Variants in SOX5 observed in about 807,000 individuals in gnomAD.
SOX5 encodes the protein SRY-box transcription factor 5, also known as transcription factor SOX-5.
In SOX5, 9 loss-of-function variants were observed where a neutral mutation model predicts 92.0. The ratio of observed to expected loss-of-function variants is 0.10; its 90% CI spans 0.06 to 0.17. SOX5 has a LOEUF of 0.17. SOX5 is among the 10% of genes least tolerant of loss of function. The pLI is 1.00. For synonymous variants in SOX5, 344 were observed against 336.3 expected, an observed-to-expected ratio of 1.02 and a Z score of -0.25; for missense variants, 642 against 944.5, an observed-to-expected ratio of 0.68 and a Z score of 4.20.
intron 4 of SOX5, among the ~76,000 whole-genome samples, chr12:24,039,363 T>C (rs754178762): frequency 6.6e-6 from 1 of 152,112 alleles, no homozygotes; most frequent in Non-Finnish European, 1.5e-5. Flanking sequence ...TTAAAGTATA[T>C]TGTGTGGTGG....
chr12:23,990,311 C>T (rs945210193), intron 4 of SOX5, among the ~76,000 whole-genome samples: 2 of 152,122 alleles, frequency 1.3e-5, no homozygotes, highest in Non-Finnish European at 2.9e-5. Context: ...CCTTCAACAG[C>T]TTCCCATTAT....
chr12:24,048,444 T>C (rs7303117), intron 4 of SOX5, among the ~76,000 whole-genome samples: 20,070 of 152,192 alleles, frequency 0.13, 1,826 homozygotes, highest in Non-Finnish European at 0.2. Flanking sequence ...CTTCAAAATA[T>C]TAAACATAGA....
chr12:23,796,143 G>A (rs1035321133), intron 3 of SOX5, among the ~76,000 whole-genome samples: 1 of 152,042 alleles, frequency 6.6e-6, no homozygotes, highest in African/African-American at 2.4e-5. Flanking sequence ...TGAATCCATG[G>A]TGTTTAGGAC....
intron 1 of SOX5, among the ~76,000 whole-genome samples, chr12:24,388,008 G>A (rs1420593930): frequency 6.6e-6 from 1 of 152,114 alleles, no homozygotes; most frequent in Non-Finnish European, 1.5e-5. Flanking sequence ...CTGGCCAAAC[G>A]ATAATACAAT....
chr12:24,202,887 A>G (rs1218739105), intron 4 of SOX5, among the ~76,000 whole-genome samples: 3 of 152,162 alleles, frequency 2.0e-5, no homozygotes, highest in Non-Finnish European at 1.5e-5. Context: ...TTTCCACTGT[A>G]AAGTTACTAC....
intron 1 of SOX5, among the ~76,000 whole-genome samples, chr12:23,945,531 G>A (rs1944443516): frequency 6.6e-6 from 1 of 152,118 alleles, no homozygotes; most frequent in Non-Finnish European, 1.5e-5. Flanking sequence ...TGTGGTTTAT[G>A]AACTGCCTCA....
At chr12:23,594,129 G>A (rs1951994989) in intron 9 of SOX5, among the ~76,000 whole-genome samples, 1 of 151,998 alleles carries the variant, frequency 6.6e-6, no homozygotes, top group Non-Finnish European at 1.5e-5. Context: ...TCACATAGGT[G>A]GTGACAGGTA....
At chr12:23,834,772 A>G (rs1022453929) in intron 3 of SOX5, among the ~76,000 whole-genome samples, 1 of 151,904 alleles carries the variant, frequency 6.6e-6, no homozygotes, top group African/African-American at 2.4e-5. Context: ...CAAGAAGAAT[A>G]GACTTGTAGA....
chr12:24,003,397 A>C (rs1180511125), intron 4 of SOX5, among the ~76,000 whole-genome samples: 1 of 152,016 alleles, frequency 6.6e-6, no homozygotes, highest in Non-Finnish European at 1.5e-5. Context: ...GTTTGATCCT[A>C]TATGAAGAAA....
intron 1 of SOX5, chr12:24,460,492 G>A (rs1566219558): frequency 6.6e-6 from 1 of 152,172 alleles, no homozygotes; most frequent in Non-Finnish European, 1.5e-5. Flanking sequence ...CTCAACTTCT[G>A]AAAGAATAAA....
intron 1 of SOX5, among the ~76,000 whole-genome samples, chr12:24,491,716 ACTAT>A (rs1947095739): frequency 6.6e-6 from 1 of 152,194 alleles, no homozygotes; most frequent in Admixed American, 6.5e-5. Flanking sequence ...GAAATCCAAG[ACTAT>A]CTACTGCACT....
intron 2 of SOX5, among the ~76,000 whole-genome samples, chr12:23,852,019 A>G (rs1056994126): frequency 5.3e-5 from 8 of 152,160 alleles, no homozygotes; most frequent in Non-Finnish European, 1.0e-4. Context: ...GCAAGTTAAG[A>G]GCCAAGTTAG....
chr12:23,565,717 A>G (rs1371491873), intron 10 of SOX5, among the ~76,000 whole-genome samples: 1 of 152,054 alleles, frequency 6.6e-6, no homozygotes, highest in Admixed American at 6.6e-5. Flanking sequence ...TAAAATAAAC[A>G]TTCTTGCTTT....
chr12:24,115,734 A>G (rs905478570), intron 4 of SOX5, among the ~76,000 whole-genome samples: 5 of 152,362 alleles, frequency 3.3e-5, no homozygotes, highest in Non-Finnish European at 1.5e-5. Flanking sequence ...TATATACACT[A>G]CAGTGAAAAC....
At chr12:24,403,466 C>T (rs1336999967) in intron 1 of SOX5, among the ~76,000 whole-genome samples, 2 of 152,172 alleles carry the variant, frequency 1.3e-5, no homozygotes, top group Non-Finnish European at 2.9e-5. Flanking sequence ...AGCAAATATA[C>T]CAAAAAGCTA....
intron 4 of SOX5, among the ~76,000 whole-genome samples, chr12:24,110,705 G>A (rs1163426248): frequency 1.3e-5 from 2 of 151,744 alleles, no homozygotes; most frequent in African/African-American, 4.8e-5. Flanking sequence ...CTAACATGGT[G>A]AAACTCCGTC....
chr12:24,561,165 G>C (rs547135747), intron 1 of SOX5, among the ~76,000 whole-genome samples: 6 of 152,298 alleles, frequency 3.9e-5, no homozygotes, highest in African/African-American at 1.4e-4. Context: ...CTAAACTTTT[G>C]TAAGAAAGTA....
intron 4 of SOX5, among the ~76,000 whole-genome samples, chr12:24,077,153 T>G (rs1162704896): frequency 6.6e-6 from 1 of 152,166 alleles, no homozygotes; most frequent in African/African-American, 2.4e-5. Flanking sequence ...TCCAACAATC[T>G]GTATCAATCA....
intron 1 of SOX5, among the ~76,000 whole-genome samples, chr12:24,443,076 C>T (rs184015600): frequency 1.3e-5 from 2 of 151,516 alleles, no homozygotes; most frequent in African/African-American, 2.4e-5. Context: ...CTCAGCCTCC[C>T]GAGTAGCTGG....
Sources: gnomAD v4.1 joint callset for allele counts (sites outside exome capture counted in the v4.1 genomes callset) on GRCh38, gnomAD v4.1.1 for gene constraint, MANE v1.5 for transcripts, NCBI Gene and HGNC (gene_info 2026-07-23, HGNC 2026-07-21) for gene names.